The following CTNNA3 variants were observed in gnomAD, a reference collection of about 807,000 sequenced individuals.
The protein encoded by CTNNA3 is catenin alpha 3.
A neutral mutation model predicts 95.7 loss-of-function variants in CTNNA3; 76 were observed. That is an observed-to-expected ratio of 0.79 (90% CI 0.66 to 0.96). The LOEUF is 0.96. Ranked by LOEUF, CTNNA3 falls within the 40% of genes least tolerant of loss-of-function variation. The probability of loss-of-function intolerance (pLI) is 0.00; values close to 1 mark genes in which losing one functional copy is unlikely to be tolerated. For synonymous variants in CTNNA3, 431 were observed against 374.4 expected, an observed-to-expected ratio of 1.15 and a Z score of -1.74; for missense variants, 1,191 against 1,089.8, an observed-to-expected ratio of 1.09 and a Z score of -1.31.
At chr10:66,710,283 G>T (rs1848249389) in intron 9 of CTNNA3, among the ~76,000 whole-genome samples, 1 of 152,046 alleles carries the variant, frequency 6.6e-6, no homozygotes, top group Non-Finnish European at 1.5e-5. Flanking sequence ...TCTTCTATAA[G>T]GGCAATCACA....
At chr10:66,705,756 T>C (rs1165866506) in intron 9 of CTNNA3, among the ~76,000 whole-genome samples, 3 of 152,076 alleles carry the variant, frequency 2.0e-5, no homozygotes, top group African/African-American at 7.2e-5. Context: ...TTGATCCTTT[T>C]AAGAATACTG....
At chr10:66,786,484 A>T (rs1348911171) in intron 7 of CTNNA3, among the ~76,000 whole-genome samples, 1 of 152,192 alleles carries the variant, frequency 6.6e-6, no homozygotes, top group Non-Finnish European at 1.5e-5. Flanking sequence ...GTGGAAAATC[A>T]GCCCAATTGA....
In CTNNA3 at chr10:67,649,702, A is replaced by G. The variant is rs550272913; in HGVS notation, c.-5-2184T>C. 2.0e-5 allele frequency among the ~76,000 whole-genome samples: 3 copies of G among 152,392 alleles called. No individual in the cohort carries two copies. The South Asian group carries it at 6.2e-4, about 32-fold the overall frequency. On this transcript the variant is annotated intron_variant, in intron 1 of 17. Transcript: ENST00000433211. Reference sequence around the variant, plus strand: ...TGGAAATTAGGGCTATCATAGGCAGAAAACTGCATAATTTTGCAAATGAAA... The same window carrying G: ...TGGAAATTAGGGCTATCATAGGCAGGAAACTGCATAATTTTGCAAATGAAA...
chr10:67,045,195 G>T (rs918392526), intron 7 of CTNNA3, among the ~76,000 whole-genome samples: 1 of 152,130 alleles, frequency 6.6e-6, no homozygotes, highest in Admixed American at 6.5e-5. Context: ...TCCCAGACTT[G>T]TAGTGGTATT....
At chr10:67,268,183 T>C (rs1866904585) in intron 5 of CTNNA3, among the ~76,000 whole-genome samples, 2 of 151,930 alleles carry the variant, frequency 1.3e-5, no homozygotes, top group South Asian at 4.2e-4. Context: ...CATTTAACAG[T>C]GGCCAAGCAT....
At chr10:67,316,082 G>A (rs907107160) in intron 5 of CTNNA3, among the ~76,000 whole-genome samples, 1 of 152,092 alleles carries the variant, frequency 6.6e-6, no homozygotes, top group Non-Finnish European at 1.5e-5. Flanking sequence ...TTATGGTAAT[G>A]AAATATTTAT....
At chr10:65,970,766 T>A (rs1404318509) in intron 16 of CTNNA3, among the ~76,000 whole-genome samples, 1 of 149,454 alleles carries the variant, frequency 6.7e-6, no homozygotes, top group Non-Finnish European at 1.5e-5. Context: ...ACAACAGTAA[T>A]AAAGGACAAA....
At chr10:66,432,336 G>C (rs753648491) in intron 11 of CTNNA3, among the ~76,000 whole-genome samples, 21 of 152,126 alleles carry the variant, frequency 1.4e-4, no homozygotes, top group African/African-American at 4.8e-4. Context: ...ACAGCGATAC[G>C]CATTTTTTAA....
chr10:66,616,142 C>G (rs1844503238), intron 10 of CTNNA3, among the ~76,000 whole-genome samples: 1 of 152,002 alleles, frequency 6.6e-6, no homozygotes, highest in African/African-American at 2.4e-5. Context: ...ACAGACAGAT[C>G]CATTAGAGGA....
intron 15 of CTNNA3, among the ~76,000 whole-genome samples, chr10:66,005,308 G>C (rs1217909476): frequency 2.0e-5 from 3 of 152,180 alleles, no homozygotes; most frequent in African/African-American, 7.2e-5. Context: ...TCACTACCAA[G>C]TAGTCAGAAT....
At chr10:67,140,135 T>C (rs2132038932) in intron 7 of CTNNA3, among the ~76,000 whole-genome samples, 1 of 152,314 alleles carries the variant, frequency 6.6e-6, no homozygotes, top group Non-Finnish European at 1.5e-5. Flanking sequence ...TCTAGCCTAA[T>C]ATATACAGAC....
At chr10:66,751,805 C>A (rs1839151612) in intron 9 of CTNNA3, among the ~76,000 whole-genome samples, 2 of 151,260 alleles carry the variant, frequency 1.3e-5, no homozygotes, top group Admixed American at 1.3e-4. Context: ...GTACTACACA[C>A]AAAAAAGAAA....
intron 13 of CTNNA3, among the ~76,000 whole-genome samples, chr10:66,201,325 A>G (rs2087391350): frequency 6.6e-6 from 1 of 152,096 alleles, no homozygotes; most frequent in African/African-American, 2.4e-5. Context: ...CTAATAGTTG[A>G]TCCTGAATCT....
intron 1 of CTNNA3, among the ~76,000 whole-genome samples, chr10:67,673,661 A>C (rs1840483096): frequency 6.7e-6 from 1 of 149,370 alleles, no homozygotes; most frequent in African/African-American, 2.5e-5. Context: ...GCTGGATTAC[A>C]TTTATTGATT....
In CTNNA3 at chr10:66,975,523, T is replaced by C. The variant is rs77491643; in HGVS notation, c.1048-199999A>G. Among the ~76,000 whole-genome samples the C allele has an allele frequency of 0.025, 3,851 of 152,260 alleles. 395 individuals are homozygous for C. In the East Asian group the frequency reaches 0.36, roughly 14 times the overall value. On this transcript the variant is annotated intron_variant, in intron 7 of 17. Coordinates refer to ENST00000433211, the MANE Select transcript of CTNNA3 (RefSeq NM_013266.4). ...AGCTTCGCAACTATTTGGCTGGATA[T>C]TGCAAATCAGATCAAGAATTGGGAA...
In CTNNA3 at chr10:67,207,360, T is replaced by C. The variant is rs543207489; in HGVS notation, c.843+12247A>G. 1.5e-3 allele frequency among the ~76,000 whole-genome samples: 227 copies of C among 152,300 alleles called. 2 individuals are homozygous for C. The highest frequency in any genetic ancestry group is 5.3e-3 in the African/African-American group (221 of 41,558). Reference sequence around the variant, plus strand: ...TCTATAGGTGACAAAGTCTTAGGTATCTTATGCACTGTGGTTTGTATTTAA... The same window carrying C: ...TCTATAGGTGACAAAGTCTTAGGTACCTTATGCACTGTGGTTTGTATTTAA... On this transcript the variant is annotated intron_variant, in intron 6 of 17. Transcript: ENST00000433211.
chr10:67,365,603 CA>C (rs1843181148), intron 5 of CTNNA3, among the ~76,000 whole-genome samples: 1 of 152,128 alleles, frequency 6.6e-6, no homozygotes, highest in South Asian at 2.1e-4. Context: ...GACATTTATG[CA>C]GCCAACAGAC....
intron 3 of CTNNA3, among the ~76,000 whole-genome samples, chr10:67,605,482 T>C (rs965560760): frequency 6.6e-6 from 1 of 152,130 alleles, no homozygotes; most frequent in Non-Finnish European, 1.5e-5. Flanking sequence ...AATGCTGTAT[T>C]CAGGATTTTT....
At chr10:66,154,728 A>ATATATATATATATATATATATATG (rs2084394985) in intron 13 of CTNNA3, among the ~76,000 whole-genome samples, 1 of 139,532 alleles carries the variant, frequency 7.2e-6, no homozygotes, top group South Asian at 2.3e-4. Flanking sequence ...TCATATATAT[A>ATATATATATATATATATATATATG]TATATATATA....
Sources: gnomAD v4.1 joint callset for allele counts (sites outside exome capture counted in the v4.1 genomes callset) on GRCh38, gnomAD v4.1.1 for gene constraint, MANE v1.5 for transcripts, NCBI Gene and HGNC (gene_info 2026-07-23, HGNC 2026-07-21) for gene names.